Variants in MEAK7 observed in about 807,000 individuals in gnomAD.
MEAK7 encodes MTOR associated protein MEAK7.
In MEAK7, 68 loss-of-function variants were observed where a neutral mutation model predicts 40.5. The observed-to-expected ratio is 1.68, with a 90% CI of 1.38 to 2.06. MEAK7 has a LOEUF of 2.06. Ranked by LOEUF, MEAK7 falls within the 30% of genes most tolerant of loss-of-function variation. The pLI is 0.00. For synonymous variants in MEAK7, 338 were observed against 231.9 expected (o/e 1.46, Z -4.16); for missense variants, 918 against 580.5 (o/e 1.58, Z -5.98).
At chr16:84,502,793 C>T (rs1210552006) in intron 1 of MEAK7, 1 of 152,190 alleles carries the variant, frequency 6.6e-6, no homozygotes, top group Admixed American at 6.5e-5. Flanking sequence ...ATCGCTTGAA[C>T]CAGGAGGCAG....
At chr16:84,490,443 CTTTTTTTTTTT>C (rs770073812) in intron 3 of MEAK7, among the ~76,000 whole-genome samples, 7 of 93,890 alleles carry the variant, frequency 7.5e-5, no homozygotes, top group African/African-American at 1.1e-4. Flanking sequence ...TCTGCCCCGC[CTTTTTTTTTTT>C]TTTTTTTTTT....
chr16:84,489,357 C>G lies in MEAK7; in HGVS notation c.450G>C (p.Trp150Cys). The G allele has an allele frequency of 6.2e-7, 1 of 1,614,230 alleles. No homozygotes were observed. Among genetic ancestry groups the G allele is most frequent in the Non-Finnish European group, 8.5e-7 (1 of 1,180,042 alleles). ...VLSHRQELRG[W>C]TGKEAPGPNP... ...TGGGCCCTGGGGCTTCCTTCCCAGT[C>G]CAGCCTCTCAGCTCCTGTCTGTGGC... The change falls in exon 4 of 8, where the codon TGG becomes TGC. Residue 150 changes from tryptophan to cysteine, a missense_variant. Trp to Cys is a radical substitution (Grantham distance 215). Coordinates refer to ENST00000343629, the MANE Select transcript of MEAK7 (RefSeq NM_020947.4).
chr16:84,495,122 G>A (rs138881119), intron 3 of MEAK7, among the ~76,000 whole-genome samples: 18 of 152,098 alleles, frequency 1.2e-4, no homozygotes, highest in Middle Eastern at 3.4e-3. Context: ...TACAAAAATC[G>A]GCCAGGCACG....
rs772302162 is a variant in MEAK7 at position 84,486,714 on chromosome 16, C to G, written c.875G>C (p.Cys292Ser). 5 of 1,614,052 alleles carry G rather than the reference C, an allele frequency of 3.1e-6. No homozygotes were observed. The highest frequency in any genetic ancestry group is 1.6e-4 in the Middle Eastern group (1 of 6,062). ...LCGHITHRGP[C>S]VAVLEDHDKH... ...GTCATGGTCCTCGAGGACAGCCACA[C>G]AGGGTCCCCGGTGAGTGATGTGGCC... The change falls in exon 5 of 8, where the codon TGT becomes TCT. Residue 292 changes from cysteine (C) to serine (S), a missense_variant. Transcript: ENST00000343629.
rs1218153622 is a variant in MEAK7 at position 84,478,100 on chromosome 16, T to C, written c.*1813A>G. On this transcript the variant is annotated 3_prime_UTR_variant, in exon 8 of 8. Transcript: ENST00000343629. Reference sequence around the variant, plus strand: ...GCAGTTTAATAGTGAGGTATTTAATTGCATTTTTATAAAAAACATTGCAAA... The same window carrying C: ...GCAGTTTAATAGTGAGGTATTTAATCGCATTTTTATAAAAAACATTGCAAA... 1.3e-5 allele frequency: 2 copies of C among 150,574 alleles called. No individual in the cohort carries two copies. Among genetic ancestry groups the C allele is most frequent in the African/African-American group, 4.9e-5 (2 of 40,988 alleles). The allele number at this position is 150,574 out of a possible 1,614,324, so 9.3% of individuals were successfully genotyped here.
chr16:84,481,621 G>A (rs923817687), intron 6 of MEAK7, among the ~76,000 whole-genome samples: 2 of 152,284 alleles, frequency 1.3e-5, no homozygotes, highest in Non-Finnish European at 2.9e-5. Context: ...GCAGAAACAG[G>A]GCTGGATTTT....
rs143772398 is a variant in MEAK7, at chr16:84,489,326, G to A, written c.481C>T (p.Arg161Trp). 1.5e-4 allele frequency: 234 copies of A among 1,613,158 alleles called. 1 individual carries two copies. The highest frequency in any genetic ancestry group is 6.5e-4 in the East Asian group (29 of 44,830). Residue 161 changes from arginine (R) to tryptophan (W), a missense_variant, in exon 4 of 8, where the codon CGG (arginine) becomes TGG (tryptophan). Transcript: ENST00000343629. Reference sequence around the variant, plus strand: ...AGCTGAGCAGCCAGCACCTGCACCCGGGGGTTGGGCCCTGGGGCTTCCTTC... The same window carrying A: ...AGCTGAGCAGCCAGCACCTGCACCCAGGGGTTGGGCCCTGGGGCTTCCTTC... ...TGKEAPGPNP[R>W]VQVLAAQLLS...
Sources: allele counts gnomAD v4.1 joint callset (sites outside exome capture counted in the v4.1 genomes callset), GRCh38; gene constraint gnomAD v4.1.1; transcripts MANE v1.5; gene names NCBI Gene and HGNC (gene_info 2026-07-23, HGNC 2026-07-21).